NPC1L1: variants seen among roughly 807,000 people sequenced by gnomAD.
NPC1L1 encodes the protein NPC1 like intracellular cholesterol transporter 1, also known as NPC1-like intracellular cholesterol transporter 1.
Under a neutral mutation model 117.0 loss-of-function variants are expected in NPC1L1, and 98 were observed. That is an observed-to-expected ratio of 0.84 (90% CI 0.71 to 0.99). The LOEUF is 0.99. NPC1L1 is among the 50% of genes least tolerant of loss of function. NPC1L1 has a pLI of 0.00. For missense variants in NPC1L1, 1,540 were observed against 1,710.0 expected (o/e 0.90, Z 1.75); for synonymous variants, 729 against 727.6 (o/e 1.00, Z -0.03).
chr7:44,532,501 G>T (rs1383444649), intron 8 of NPC1L1, among the ~76,000 whole-genome samples: 1 of 152,094 alleles, frequency 6.6e-6, no homozygotes, highest in Non-Finnish European at 1.5e-5. Flanking sequence ...ACTTATCCCT[G>T]GATTCTCTTC....
rs1801819391 is a variant in NPC1L1, at chr7:44,534,731, T to A, written c.1984-102A>T. 1.7e-6 allele frequency: 2 copies of A among 1,184,340 alleles called. No homozygotes were observed. The highest frequency in any genetic ancestry group is 2.4e-6 in the Non-Finnish European group (2 of 816,474). 73.4% of individuals were successfully genotyped at this position (1,184,340 alleles called of 1,614,324 possible). ...CAAAGTAGCCGGCAGGCACCCTCAG[T>A]GCCTGCAGGTGCCCGATACTGCCCC... On this transcript the variant is annotated intron_variant, in intron 5 of 18. Coordinates refer to ENST00000381160, the MANE Select transcript of NPC1L1 (RefSeq NM_001101648.2). This position sits in a 1 kb window ranked among gnomAD's most constrained non-coding sequence, Gnocchi z 5.2.
Position 44,540,253 on chromosome 7 carries a change from G to A in NPC1L1, c.144C>T (p.Ser48=), listed in dbSNP as rs1336929550. The A allele has an allele frequency of 6.2e-7, 1 of 1,613,996 alleles. No individual in the cohort carries two copies. Among genetic ancestry groups the A allele is most frequent in the East Asian group, 2.2e-5 (1 of 44,880 alleles). The change falls in exon 2 of 19, where the codon AGC becomes AGT. Residue 48 remains serine, a synonymous_variant. Transcript: ENST00000381160. ...AGGACACGTTGGAGAGTGTCATGAG[G>A]CTTCCAGACAGCTCTGGGTTCTTCC... is the stretch of plus-strand genomic sequence containing the variant. The part of the protein sequence containing the change: ...ECGKNPELSG[S]LMTLSNVSCL...
In NPC1L1 at chr7:44,527,461, CAAAAAAAAAAA is replaced by C. The variant is rs1160435212; in HGVS notation, c.2637+4283_2637+4293del. Among the ~76,000 whole-genome samples the C allele has an allele frequency of 1.0e-3, 40 of 40,106 alleles. 1 individual carries two copies. The highest frequency in any genetic ancestry group is 2.8e-3 in the African/African-American group (34 of 11,930). The allele number at this position is 40,106 out of a possible 152,430, so 26.3% of individuals were successfully genotyped here. The stretch of plus-strand genomic sequence containing the variant: ...GGGCAACAAGAGCAAAACAACTTCT[CAAAAAAAAAAA>C]AAAAAAAAAAAAAAGACATCAGCAG... On this transcript the variant is annotated intron_variant, in intron 10 of 18. Coordinates refer to ENST00000381160, the MANE Select transcript of NPC1L1 (RefSeq NM_001101648.2).
In NPC1L1 at chr7:44,536,852, C is replaced by T. The variant is rs779287244; in HGVS notation, c.1671G>A (p.Gly557=). 8 of 1,613,904 alleles carry T rather than the reference C, an allele frequency of 5.0e-6. No homozygotes were observed. Among genetic ancestry groups the T allele is most frequent in the Admixed American group, 1.7e-5 (1 of 60,036 alleles). Residue 557 remains glycine (G), a synonymous_variant, in exon 3 of 19, where the codon GGG becomes GGA. Coordinates refer to ENST00000381160, the MANE Select transcript of NPC1L1 (RefSeq NM_001101648.2). This position sits in a 1 kb window ranked among gnomAD's most constrained non-coding sequence, Gnocchi z 4.7. ...GCCCACTTAGCTTACCTTTGTACCC[C>T]CCAATGGCAAGGAAGGGGAAGACAG... ...GAPVFPFLAI[G]GYKGKDYSEA...
At position 44,515,828 on chromosome 7, in the gene NPC1L1, G is replaced by T; in HGVS notation, c.3771C>A (p.Phe1257Leu). 1 of 1,614,186 alleles carries T rather than the reference G, an allele frequency of 6.2e-7. No homozygotes were observed. The highest frequency in any genetic ancestry group is 1.1e-5 in the South Asian group (1 of 91,088). ...CCACGTAGCTGAGGATGACGGGCAG[G>T]AAGACCAAGCCATGCAGCAGGCCCA... ...TLLGLLHGLV[F>L]LPVILSYVGP... The change falls in exon 18 of 19, where the codon TTC (phenylalanine) becomes TTA (leucine). Residue 1257 changes from phenylalanine to leucine, a missense_variant. By Grantham distance (22) the Phe-to-Leu change is conservative. Transcript: ENST00000381160.
At chr7:44,526,393 A>T (rs1801516086) in intron 10 of NPC1L1, among the ~76,000 whole-genome samples, 1 of 151,588 alleles carries the variant, frequency 6.6e-6, no homozygotes, top group South Asian at 2.1e-4. Flanking sequence ...TGCTAAAAAT[A>T]CAAAAATTAG....
intron 15 of NPC1L1, 81 bp downstream of exon 15, chr7:44,517,126 C>A: frequency 1.3e-6 from 2 of 1,588,996 alleles, no homozygotes; most frequent in African/African-American, 1.3e-5. Flanking sequence ...TCATGCAACT[C>A]CTTGCAAGCC....
chr7:44,518,094 A>G (rs1381566810), intron 14 of NPC1L1, among the ~76,000 whole-genome samples: 1 of 151,606 alleles, frequency 6.6e-6, no homozygotes, highest in African/African-American at 2.4e-5. Flanking sequence ...CAGCTGGGCA[A>G]CAGAGCAAGA....
rs562326113 is a variant in NPC1L1, at chr7:44,523,462, C to CAGCTACAGCTTT, written c.2638-1221_2638-1220insAAAGCTGTAGCT. On this transcript the variant is annotated intron_variant, in intron 10 of 18. Coordinates refer to ENST00000381160, the MANE Select transcript of NPC1L1 (RefSeq NM_001101648.2). ...ATTTCAGGCAATCTCAGCTTTAGTA[C>CAGCTACAGCTTT]AGTAGCAGCTACCCATTTGCCACTC... is the stretch of plus-strand genomic sequence containing the variant. Among the ~76,000 whole-genome samples the CAGCTACAGCTTT allele has an allele frequency of 5.2e-3, 789 of 152,274 alleles. 2 individuals carry two copies. The highest frequency in any genetic ancestry group is 9.0e-3 in the Non-Finnish European group (609 of 68,018).
In NPC1L1 at chr7:44,538,388, A is replaced by G. The variant is rs764759865; in HGVS notation, c.1580+429T>C. On this transcript the variant is annotated intron_variant, in intron 2 of 18. Transcript: ENST00000381160. The surrounding 1 kb of genome is among the most constrained non-coding windows in gnomAD (Gnocchi z 5.9). ...CTCTGGCCTGAGGGCACCTTTTCCA[A>G]TGCATACCATGGTACCTCATGGGTT... Among the ~76,000 whole-genome samples the G allele has an allele frequency of 6.6e-6, 1 of 152,202 alleles. No homozygotes were observed. Among genetic ancestry groups the G allele is most frequent in the Non-Finnish European group, 1.5e-5 (1 of 68,034 alleles).
rs781772250 is a variant in NPC1L1, at chr7:44,533,789, G to A, written c.2231C>T (p.Ala744Val). 3.1e-6 allele frequency: 5 copies of A among 1,613,924 alleles called. No homozygotes were observed. The African/African-American group carries it at 4.0e-5, about 13-fold the overall frequency. The change falls in exon 7 of 19, where the codon GCT becomes GTT. Residue 744 changes from alanine (A) to valine (V), a missense_variant. Transcript: ENST00000381160. Reference sequence around the variant, plus strand: ...GAGGCTGCACAACAGCATGCTGGGAGCCACCCTGCCTAGGGCTCGCCCAAT... The same window carrying A: ...GAGGCTGCACAACAGCATGCTGGGAACCACCCTGCCTAGGGCTCGCCCAAT... ...VHIGRALGRV[A>V]PSMLLCSLSE... is the part of the protein sequence containing the mutation.
intron 11 of NPC1L1, 97 bp from the exon 12 acceptor site, chr7:44,521,933 C>T (rs999616766): frequency 3.3e-5 from 52 of 1,599,858 alleles, no homozygotes; most frequent in African/African-American, 1.6e-4. Flanking sequence ...CCCAGGCATA[C>T]GGCAGCAAGG....
intron 10 of NPC1L1, among the ~76,000 whole-genome samples, 170 bp downstream of exon 10, chr7:44,531,585 C>T (rs140554707): frequency 1.3e-5 from 2 of 152,298 alleles, no homozygotes; most frequent in African/African-American, 4.8e-5. Flanking sequence ...TGTTCATACA[C>T]GAATGTGGCT....
Position 44,536,860 on chromosome 7 carries a change from C to T in NPC1L1, c.1663G>A (p.Ala555Thr), listed in dbSNP as rs1391968883. 6.2e-7 allele frequency: 1 copy of T among 1,614,046 alleles called. No homozygotes were observed. The highest frequency in any genetic ancestry group is 8.5e-7 in the Non-Finnish European group (1 of 1,179,910). ...AGCTTACCTTTGTACCCCCCAATGG[C>T]AAGGAAGGGGAAGACAGGGGCCCCG... is the stretch of plus-strand genomic sequence containing the variant. ...DYGAPVFPFLAIGGYKGKDYS... is the reference protein window; with the variant it reads ...DYGAPVFPFLTIGGYKGKDYS... Residue 555 changes from alanine to threonine, a missense_variant, in exon 3 of 19, where the codon GCC (alanine) becomes ACC (threonine). Transcript: ENST00000381160. The surrounding 1 kb of genome is among the most constrained non-coding windows in gnomAD (Gnocchi z 4.7).
At chr7:44,532,274 C>T (rs1801730748) in intron 8 of NPC1L1, 57 bp from the exon 9 acceptor site, 4 of 1,607,846 alleles carry the variant, frequency 2.5e-6, no homozygotes, top group South Asian at 1.1e-5. Flanking sequence ...CCCCAGGGAC[C>T]ACCTTCTTGC....
intron 10 of NPC1L1, among the ~76,000 whole-genome samples, chr7:44,530,196 G>A (rs1801652742): frequency 6.6e-6 from 1 of 152,106 alleles, no homozygotes; most frequent in Non-Finnish European, 1.5e-5. Flanking sequence ...AAATTAGCTG[G>A]GCGTGGTGGC....
In NPC1L1 at chr7:44,534,449, G is replaced by A; in HGVS notation, c.2164C>T (p.Gln722Ter). The A allele has an allele frequency of 6.2e-7, 1 of 1,614,004 alleles. No homozygotes were observed. Among genetic ancestry groups the A allele is most frequent in the South Asian group, 1.1e-5 (1 of 91,080 alleles). The change falls in exon 6 of 19, where the codon CAG becomes TAG. Residue 722 changes from glutamine to a stop codon, truncating the protein, a stop_gained and splice_region_variant. Coordinates refer to ENST00000381160, the MANE Select transcript of NPC1L1 (RefSeq NM_001101648.2). LOFTEE classifies it high-confidence loss of function. The surrounding 1 kb of genome is among the most constrained non-coding windows in gnomAD (Gnocchi z 5.2). ...GTGGAGAGCTCCTCCCTTCTTACCTGGTACTCGAGAACAAAGATGAAGATG... is the reference window on the plus strand; with the variant it reads ...GTGGAGAGCTCCTCCCTTCTTACCTAGTACTCGAGAACAAAGATGAAGATG... ...DNIFIFVLEY[Q>*]RLPRRPGEPR...
chr7:44,522,059 G>A lies in NPC1L1; in HGVS notation c.2821C>T (p.Pro941Ser). The change falls in exon 11 of 19, where the codon CCT (proline) becomes TCT (serine). Residue 941 changes from proline to serine, a missense_variant. By Grantham distance (74) the Pro-to-Ser change is moderately conservative (BLOSUM62 -1). Transcript: ENST00000381160. ...GGCGGGCCAGGAACTCACTGCTCAG[G>A]GAACTCTGTGGCATACTGGATCTTC... ...TQKIQYATEFPEQSYLAIPAS... is the reference protein window; with the variant it reads ...TQKIQYATEFSEQSYLAIPAS... The A allele has an allele frequency of 6.2e-7, 1 of 1,613,848 alleles. No individual in the cohort carries two copies. Among genetic ancestry groups the A allele is most frequent in the Non-Finnish European group, 8.5e-7 (1 of 1,179,882 alleles).
chr7:44,521,583 C>G (rs1189532693), intron 12 of NPC1L1, 129 bp downstream of exon 12: 2 of 1,462,996 alleles, frequency 1.4e-6, no homozygotes, highest in African/African-American at 2.8e-5. Context: ...CACATCTGCA[C>G]CCATGCCCCC....
Sources: allele counts gnomAD v4.1 joint callset (sites outside exome capture counted in the v4.1 genomes callset), GRCh38; gene constraint gnomAD v4.1.1; non-coding constraint Gnocchi (gnomAD v3.1); transcripts MANE v1.5; gene names NCBI Gene and HGNC (gene_info 2026-07-23, HGNC 2026-07-21).